SPC25: variants seen among roughly 807,000 people sequenced by gnomAD.
The protein encoded by SPC25 is SPC25 component of NDC80 kinetochore complex, also known as kinetochore protein Spc25.
In SPC25, 22 loss-of-function variants were observed where a neutral mutation model predicts 29.6. The observed-to-expected ratio is 0.74, with a 90% confidence interval of 0.53 to 1.06. The LOEUF is 1.06. Among genes scored for constraint, SPC25 ranks in the 50% least tolerant of loss-of-function variants. The probability of loss-of-function intolerance (pLI) is 0.00; values close to 1 mark genes in which losing one functional copy is unlikely to be tolerated. For missense variants in SPC25, 230 were observed against 255.8 expected, an observed-to-expected ratio of 0.90 and a Z score of 0.69; for synonymous variants, 91 against 90.4, an observed-to-expected ratio of 1.01 and a Z score of -0.04.
chr2:168,876,813 T>C (rs1017030929), intron 4 of SPC25, among the ~76,000 whole-genome samples: 1 of 152,116 alleles, frequency 6.6e-6, no homozygotes, highest in African/African-American at 2.4e-5. Flanking sequence ...AAAAGATGCA[T>C]TCATTTGAAT....
Position 168,889,491 on chromosome 2 carries a change from T to C in SPC25, c.29A>G (p.Asp10Gly), listed in dbSNP as rs1690353752. The C allele has an allele frequency of 1.2e-6, 2 of 1,613,968 alleles. No homozygotes were observed. Among genetic ancestry groups the C allele is most frequent in the South Asian group, 1.1e-5 (1 of 91,064 alleles). The change falls in exon 2 of 7, where the codon GAT (aspartate) becomes GGT (glycine). Residue 10 changes from aspartate (D) to glycine (G), a missense_variant. By Grantham distance (94) the Asp-to-Gly change is moderately conservative. Transcript: ENST00000282074. Reference sequence around the variant, plus strand: ...ATTCCAAAATTCATTTATGCTTTTATCGAAAAGTGCCAGTTCGTCCTCTAC... The same window carrying C: ...ATTCCAAAATTCATTTATGCTTTTACCGAAAAGTGCCAGTTCGTCCTCTAC... MVEDELALF[D>G]KSINEFWNKF...
In SPC25 at chr2:168,864,782, G is replaced by A; in HGVS notation, n.419+8803C>T. On this transcript the variant is annotated intron_variant and non_coding_transcript_variant, in intron 4 of 4. Coordinates refer to the SPC25 transcript ENST00000479309. ...CCTTAAAACTCTTATCAATCGGGCTGAGGCATGTGTTCACATCACAGAGAC... is the reference window on the plus strand; with the variant it reads ...CCTTAAAACTCTTATCAATCGGGCTAAGGCATGTGTTCACATCACAGAGAC... The A allele has an allele frequency of 2.5e-6, 4 of 1,602,814 alleles. No homozygotes were observed. In the South Asian group the frequency reaches 3.3e-5, roughly 13 times the overall value.
chr2:168,888,672 CTG>C, intron 3 of SPC25, among the ~76,000 whole-genome samples: 1 of 151,844 alleles, frequency 6.6e-6, no homozygotes, highest in South Asian at 2.1e-4. Flanking sequence ...CTTTCTTAAA[CTG>C]TATAGTATGT....
At chr2:168,868,106 T>A (rs1469989142), downstream of SPC25, among the ~76,000 whole-genome samples, 1 of 152,154 alleles carries the variant, frequency 6.6e-6, no homozygotes, top group Non-Finnish European at 1.5e-5. Flanking sequence ...GAATGACTAC[T>A]GGGTACATAA....
At chr2:168,871,688 A>G in intron 6 of SPC25, 133 bp from the exon 7 acceptor site, 1 of 824,106 alleles carries the variant, frequency 1.2e-6, no homozygotes, top group Admixed American at 3.3e-5. Flanking sequence ...TGAGCAAAAA[A>G]GGATACACTT....
chr2:168,864,771 T>C lies in SPC25; in HGVS notation n.419+8814A>G. On this transcript the variant is annotated intron_variant and non_coding_transcript_variant, in intron 4 of 4. Transcript: ENST00000479309. The stretch of plus-strand genomic sequence containing the variant: ...AAGCAGAACCTCCTTAAAACTCTTA[T>C]CAATCGGGCTGAGGCATGTGTTCAC... 7 of 1,581,450 alleles carry C rather than the reference T, an allele frequency of 4.4e-6. No homozygotes were observed. The Admixed American group carries it at 7.0e-5, about 16-fold the overall frequency.
intron 3 of SPC25, among the ~76,000 whole-genome samples, chr2:168,879,314 C>T (rs753881505): frequency 6.6e-5 from 10 of 152,198 alleles, no homozygotes; most frequent in African/African-American, 1.4e-4. Context: ...TCAAACCCTG[C>T]GCTACTTTAT....
chr2:168,871,252 T>C lies in SPC25; in HGVS notation c.*179A>G, dbSNP rs1217635415. 2 of 425,372 alleles carry C rather than the reference T, an allele frequency of 4.7e-6. No individual in the cohort carries two copies. Among genetic ancestry groups the C allele is most frequent in the East Asian group, 4.6e-5 (1 of 21,668 alleles). The allele number at this position is 425,372 out of a possible 1,614,324, so 26.3% of individuals were successfully genotyped here. A position where few individuals can be genotyped will look rare whatever the true frequency, so the allele number is the denominator to read the frequency against. On this transcript the variant is annotated 3_prime_UTR_variant, in exon 7 of 7. Coordinates refer to ENST00000282074, the MANE Select transcript of SPC25 (RefSeq NM_020675.4). ...GGATAGCATTAGGAGATATACCTAA[T>C]GAAATGACGAGTTAATGGGTGCAGC...
chr2:168,890,334 G>A lies in SPC25; in HGVS notation c.-31C>T. ...CTCCCTTACCTTCGCAGGCAGGCCT[G>A]AGTCCCGCCGCCTTCCCCACACCAG... On this transcript the variant is annotated 5_prime_UTR_variant, in exon 1 of 7. Transcript: ENST00000282074. 1.0e-6 allele frequency: 1 copy of A among 985,512 alleles called. No individual in the cohort carries two copies. Among genetic ancestry groups the A allele is most frequent in the Non-Finnish European group, 1.2e-6 (1 of 830,006 alleles). The allele number at this position is 985,512 out of a possible 1,614,324, so 61.0% of individuals were successfully genotyped here.
At chr2:168,865,064 T>C (rs1346455817) in intron 4 of SPC25, 5 of 1,361,844 alleles carry the variant, frequency 3.7e-6, no homozygotes, top group Non-Finnish European at 5.0e-6. Flanking sequence ...TACATGTTTT[T>C]CTTTTGAAAT....
chr2:168,876,254 T>G, intron 4 of SPC25, 78 bp from the exon 5 acceptor site: 1 of 968,712 alleles, frequency 1.0e-6, no homozygotes, highest in Non-Finnish European at 1.5e-6. Flanking sequence ...TTTTTAAACT[T>G]AAAATCAACT....
At chr2:168,888,965 A>ACACATATATG (rs1690325514) in intron 3 of SPC25, among the ~76,000 whole-genome samples, 1 of 85,874 alleles carries the variant, frequency 1.2e-5, no homozygotes, top group Admixed American at 1.4e-4. Flanking sequence ...GTGTATATAT[A>ACACATATATG]TATATATACA....
chr2:168,871,629 A>G (rs1689991921), intron 6 of SPC25, 74 bp from the exon 7 acceptor site: 1 of 1,352,610 alleles, frequency 7.4e-7, no homozygotes, highest in Non-Finnish European at 1.0e-6. Flanking sequence ...TTTCTAATCT[A>G]GATGCTCTCA....
chr2:168,871,727 C>A (rs898171084), intron 6 of SPC25, among the ~76,000 whole-genome samples, 172 bp from the exon 7 acceptor site: 3 of 152,062 alleles, frequency 2.0e-5, no homozygotes, highest in African/African-American at 7.2e-5. Context: ...ATCTTTTGGA[C>A]CTTTCCTTCG....
intron 6 of SPC25, among the ~76,000 whole-genome samples, chr2:168,873,078 GCC>G (rs1690023029): frequency 1.3e-5 from 2 of 151,928 alleles, no homozygotes; most frequent in Admixed American, 6.6e-5. Context: ...TAAATCAAAG[GCC>G]TTTTGGCCAG....
At chr2:168,881,727 C>T (rs493816) in intron 3 of SPC25, among the ~76,000 whole-genome samples, 47,571 of 152,164 alleles carry the variant, frequency 0.31, 8,327 homozygotes, top group East Asian at 0.56. Flanking sequence ...ACTATCTATA[C>T]TGTCATTTAA....
intron 3 of SPC25, among the ~76,000 whole-genome samples, chr2:168,888,461 A>C (rs1302764588): frequency 6.6e-6 from 1 of 152,006 alleles, no homozygotes; most frequent in East Asian, 1.9e-4. Flanking sequence ...AGGCTGAGGC[A>C]GGAGAGTGGC....
intron 3 of SPC25, among the ~76,000 whole-genome samples, chr2:168,881,893 G>A (rs1360808299): frequency 1.3e-5 from 2 of 152,170 alleles, no homozygotes; most frequent in Non-Finnish European, 2.9e-5. Flanking sequence ...CCAAATTGAA[G>A]TGAGCATGGA....
At chr2:168,873,841 AGT>A (rs1690039500) in intron 5 of SPC25, among the ~76,000 whole-genome samples, 158 bp from the exon 6 acceptor site, 1 of 152,176 alleles carries the variant, frequency 6.6e-6, no homozygotes, top group Non-Finnish European at 1.5e-5. Flanking sequence ...AATATATTAT[AGT>A]TTCAATATGA....
Sources: allele counts gnomAD v4.1 joint callset (sites outside exome capture counted in the v4.1 genomes callset), GRCh38; gene constraint gnomAD v4.1.1; transcripts MANE v1.5; gene names NCBI Gene and HGNC (gene_info 2026-07-23, HGNC 2026-07-21).